TUNAR: variants seen among roughly 807,000 people sequenced by gnomAD.
TUNAR encodes the protein transmembrane neural differentiation associated intracellular calcium regulator.
At chr14:95,890,209 C>T (rs190060374) in intron 2 of TUNAR, among the ~76,000 whole-genome samples, 2 of 152,038 alleles carry the variant, frequency 1.3e-5, no homozygotes, top group East Asian at 1.9e-4. Flanking sequence ...AGTCTGGCTT[C>T]GTGAAGGAGA....
intron 2 of TUNAR, among the ~76,000 whole-genome samples, chr14:95,879,890 T>G (rs1050023674): frequency 6.6e-6 from 1 of 152,216 alleles, no homozygotes; most frequent in African/African-American, 2.4e-5. Flanking sequence ...AGTCAGGGCT[T>G]GAGACCATGC....
At position 95,895,273 on chromosome 14, in the gene TUNAR, C is replaced by T. The variant is rs367915830; in HGVS notation, c.12+18096C>T. 5.3e-5 allele frequency among the ~76,000 whole-genome samples: 8 copies of T among 152,066 alleles called. No homozygotes were observed. The South Asian group carries it at 1.0e-3, about 20-fold the overall frequency. ...AACCCAGGAGGAGAGCATGGGCCAG[C>T]GGGAAGGGCAGGAAGCTAGGACTGG... On this transcript the variant is annotated intron_variant, in intron 2 of 2. Transcript: ENST00000678517. This position sits in a 1 kb window ranked among gnomAD's most constrained non-coding sequence, Gnocchi z 4.5.
At chr14:95,925,155 G>C (rs1002218241) in exon 3 of TUNAR, 1 of 152,274 alleles carries the variant, frequency 6.6e-6, no homozygotes, top group Non-Finnish European at 1.5e-5. Context: ...AACCCTGTGA[G>C]AGAGGGAGTC....
At chr14:95,911,078 T>A (rs1042216979) in intron 2 of TUNAR, among the ~76,000 whole-genome samples, 6 of 152,370 alleles carry the variant, frequency 3.9e-5, no homozygotes, top group Non-Finnish European at 7.3e-5. Context: ...TCCATGTACC[T>A]ATTGCATCTA....
chr14:95,885,630 C>CA (rs941231795), intron 2 of TUNAR, among the ~76,000 whole-genome samples: 2 of 152,080 alleles, frequency 1.3e-5, no homozygotes, highest in Non-Finnish European at 2.9e-5. Flanking sequence ...GCTGAGGCTG[C>CA]AAGGCAGGGA....
intron 2 of TUNAR, among the ~76,000 whole-genome samples, chr14:95,894,783 TC>T (rs1480382505): frequency 3.3e-5 from 5 of 152,200 alleles, no homozygotes; most frequent in Non-Finnish European, 7.3e-5. Flanking sequence ...AAGAAAGGAC[TC>T]TTTTAAGCAA....
At chr14:95,892,721 G>A (rs929625291) in intron 2 of TUNAR, among the ~76,000 whole-genome samples, 1 of 152,234 alleles carries the variant, frequency 6.6e-6, no homozygotes, top group African/African-American at 2.4e-5. Flanking sequence ...CTGTGACCCT[G>A]TGAGGCTCCC....
At chr14:95,898,798 A>G (rs1366431749) in intron 2 of TUNAR, among the ~76,000 whole-genome samples, 1 of 152,140 alleles carries the variant, frequency 6.6e-6, no homozygotes, top group Non-Finnish European at 1.5e-5. Context: ...TTAGTCCATG[A>G]ATTATTTCTG....
At chr14:95,891,700 G>A (rs911197199) in intron 2 of TUNAR, among the ~76,000 whole-genome samples, 1 of 152,244 alleles carries the variant, frequency 6.6e-6, no homozygotes, top group Non-Finnish European at 1.5e-5. Context: ...CTAGCTGGGT[G>A]CTTAGTCTTC....
intron 2 of TUNAR, among the ~76,000 whole-genome samples, chr14:95,903,606 A>AACAAAAGCCTCC: frequency 6.6e-6 from 1 of 152,260 alleles, no homozygotes; most frequent in Non-Finnish European, 1.5e-5. Flanking sequence ...AAGGATTGCA[A>AACAAAAGCCTCC]ACAAAAGCCT....
chr14:95,881,241 C>T (rs559912019), intron 2 of TUNAR, among the ~76,000 whole-genome samples: 4 of 152,338 alleles, frequency 2.6e-5, no homozygotes, highest in Non-Finnish European at 5.9e-5. Context: ...TTTAACTACA[C>T]GAGGTCAAAC....
At chr14:95,909,361 A>G (rs2003277) in intron 2 of TUNAR, among the ~76,000 whole-genome samples, 38,217 of 145,790 alleles carry the variant, frequency 0.26, 7,553 homozygotes, top group African/African-American at 0.56. Flanking sequence ...TCGGCTCACT[A>G]CAACCTCCTC....
At chr14:95,907,152 A>G (rs1889439019) in intron 2 of TUNAR, among the ~76,000 whole-genome samples, 1 of 151,986 alleles carries the variant, frequency 6.6e-6, no homozygotes, top group African/African-American at 2.4e-5. Context: ...TTGCCACCAC[A>G]TCGTACTCTG....
At chr14:95,890,941 C>T (rs923763724) in intron 2 of TUNAR, among the ~76,000 whole-genome samples, 9 of 152,188 alleles carry the variant, frequency 5.9e-5, no homozygotes, top group Non-Finnish European at 1.2e-4. Context: ...CCACAGCACT[C>T]GGAGTCCTCA....
At chr14:95,919,774 A>G (rs1188890549) in intron 2 of TUNAR, among the ~76,000 whole-genome samples, 2 of 152,170 alleles carry the variant, frequency 1.3e-5, no homozygotes, top group African/African-American at 4.8e-5. Context: ...AAAAAAGAAG[A>G]TAGATGAATA....
At chr14:95,906,731 T>C (rs1328822130) in intron 2 of TUNAR, among the ~76,000 whole-genome samples, 1 of 152,254 alleles carries the variant, frequency 6.6e-6, no homozygotes, top group Non-Finnish European at 1.5e-5. Context: ...ATTTTGGGTT[T>C]CCTTCCGGTC....
intron 2 of TUNAR, among the ~76,000 whole-genome samples, chr14:95,890,538 G>A (rs1889163042): frequency 1.3e-5 from 2 of 152,104 alleles, no homozygotes; most frequent in African/African-American, 2.4e-5. Flanking sequence ...GCTGTCCCTC[G>A]AGGCTGTCAC....
intron 2 of TUNAR, among the ~76,000 whole-genome samples, chr14:95,900,913 G>A (rs1029199095): frequency 6.6e-6 from 1 of 152,222 alleles, no homozygotes; most frequent in Non-Finnish European, 1.5e-5. Flanking sequence ...ATTTATGTGC[G>A]GTGAGACAGG....
intron 2 of TUNAR, among the ~76,000 whole-genome samples, chr14:95,910,308 T>C (rs1417668675): frequency 6.6e-6 from 1 of 152,180 alleles, no homozygotes; most frequent in Non-Finnish European, 1.5e-5. Context: ...GCCCAAGAGT[T>C]TGAGACCAGC....
Sources: gnomAD v4.1 joint callset for allele counts (sites outside exome capture counted in the v4.1 genomes callset) on GRCh38, gnomAD v4.1.1 for gene constraint, Gnocchi (gnomAD v3.1) non-coding constraint, MANE v1.5 for transcripts, NCBI Gene and HGNC (gene_info 2026-07-23, HGNC 2026-07-21) for gene names.